SLC44A5: variants seen among roughly 807,000 people sequenced by gnomAD.
SLC44A5 encodes the protein choline transporter-like protein 5.
In SLC44A5, 57 loss-of-function variants were observed where a neutral mutation model predicts 101.8. That is an observed-to-expected ratio of 0.56 (90% confidence interval 0.45 to 0.70). SLC44A5 has a LOEUF of 0.70. Ranked by LOEUF, SLC44A5 falls within the 30% of genes least tolerant of loss-of-function variation. The pLI, the probability that SLC44A5 is intolerant of heterozygous loss-of-function variation, is 0.00. For synonymous variants in SLC44A5, 281 were observed against 290.9 expected (o/e 0.97, Z 0.35); for missense variants, 737 against 853.1 (o/e 0.86, Z 1.70).
intron 10 of SLC44A5, 62 bp from the exon 11 acceptor site, chr1:75,237,132 T>A: frequency 9.8e-7 from 1 of 1,015,566 alleles, no homozygotes; most frequent in Non-Finnish European, 1.5e-6. Flanking sequence ...GAAATGTTCT[T>A]TTTATGATAA....
At chr1:75,408,977 G>A (rs955885373) in intron 2 of SLC44A5, among the ~76,000 whole-genome samples, 6 of 152,022 alleles carry the variant, frequency 3.9e-5, no homozygotes, top group Non-Finnish European at 8.8e-5. Flanking sequence ...AAAATAGGGG[G>A]ATGAAAATAA....
chr1:75,266,756 C>T (rs1183863293), intron 6 of SLC44A5, among the ~76,000 whole-genome samples: 1 of 152,160 alleles, frequency 6.6e-6, no homozygotes, highest in African/African-American at 2.4e-5. Context: ...CCAGACAATG[C>T]TGTAGGTTCT....
Position 75,489,157 on chromosome 1 carries a change from G to A in SLC44A5, c.13+52278C>T, listed in dbSNP as rs117039059. Among the ~76,000 whole-genome samples the A allele has an allele frequency of 1.2e-4, 19 of 152,148 alleles. No individual in the cohort carries two copies. In the East Asian group the frequency reaches 2.7e-3, roughly 22 times the overall value. On this transcript the variant is annotated intron_variant, in intron 2 of 23. Transcript: ENST00000370859. ...AGTCAATTTTAATACTATGATAGCT[G>A]TTCTCCAATCCAAAATAAAAGTACC...
rs574168328 is a variant in SLC44A5 at position 75,303,502 on chromosome 1, G to A, written c.102-2817C>T. 3.3e-5 allele frequency among the ~76,000 whole-genome samples: 5 copies of A among 152,266 alleles called. No individual in the cohort carries two copies. In the South Asian group the frequency reaches 1.0e-3, roughly 32 times the overall value. ...ACCCACCTTGGCCTCCCAAAATGCT[G>A]GGATTACGGGCGTGAGCCACCGCAC... On this transcript the variant is annotated intron_variant, in intron 4 of 23. Transcript: ENST00000370859.
the SLC44A5 span, among the ~76,000 whole-genome samples, chr1:75,677,352 T>C: frequency 2.0e-5 from 3 of 152,210 alleles, no homozygotes; most frequent in East Asian, 5.8e-4. Context: ...GTGTTGAGTT[T>C]TGTTTTCTCT....
intron 1 of SLC44A5, among the ~76,000 whole-genome samples, chr1:75,551,808 G>A (rs1387250394): frequency 6.6e-6 from 1 of 151,962 alleles, no homozygotes; most frequent in Non-Finnish European, 1.5e-5. Context: ...GTATATTAAA[G>A]TGCCTGGCAC....
intron 4 of SLC44A5, among the ~76,000 whole-genome samples, chr1:75,305,347 C>G (rs1463002528): frequency 6.6e-6 from 1 of 152,170 alleles, no homozygotes; most frequent in African/African-American, 2.4e-5. Context: ...GCCGTGGTCT[C>G]TTAATTGGGA....
At chr1:75,219,984 G>T in intron 14 of SLC44A5, 92 bp from the exon 15 acceptor site, 3 of 691,190 alleles carry the variant, frequency 4.3e-6, no homozygotes, top group South Asian at 2.5e-5. Flanking sequence ...AATAACCACG[G>T]ACTCTTTTTT....
At chr1:75,544,296 C>T (rs570930755) in intron 1 of SLC44A5, among the ~76,000 whole-genome samples, 1 of 152,250 alleles carries the variant, frequency 6.6e-6, no homozygotes, top group South Asian at 2.1e-4. Flanking sequence ...CAAATGCAGC[C>T]TCTCGATCTT....
rs1333000802 is a variant in SLC44A5 at position 75,203,771 on chromosome 1, G to T, written c.2110C>A (p.Leu704Met). Residue 704 changes from leucine to methionine, a missense_variant, in exon 24 of 24, where the codon CTG becomes ATG. Physicochemically the swap from Leu to Met is conservative, Grantham distance 15. Coordinates refer to ENST00000370859, the MANE Select transcript of SLC44A5 (RefSeq NM_001130058.2). Reference sequence around the variant, plus strand: ...GGATTTTCCTCCTGGAAAATCTTCAGCAAAGGTTGACTCACATAATAAGGT... The same window carrying T: ...GGATTTTCCTCCTGGAAAATCTTCATCAAAGGTTGACTCACATAATAAGGT... Reference protein sequence around the residue: ...ARPYYVSQPLLKIFQEENPQT... With the variant: ...ARPYYVSQPLMKIFQEENPQT... The T allele has an allele frequency of 1.9e-5, 29 of 1,549,882 alleles. No individual in the cohort carries two copies.
At chr1:75,699,077 C>G in the SLC44A5 span, among the ~76,000 whole-genome samples, 13 of 152,130 alleles carry the variant, frequency 8.5e-5, no homozygotes, top group Non-Finnish European at 1.8e-4. Flanking sequence ...GGAAAACACT[C>G]TGAAGGATAT....
At chr1:75,484,520 G>T (rs1017037001) in intron 2 of SLC44A5, among the ~76,000 whole-genome samples, 1 of 152,226 alleles carries the variant, frequency 6.6e-6, no homozygotes, top group African/African-American at 2.4e-5. Context: ...TACAGTCCCT[G>T]TGGCTGCTTT....
chr1:75,561,817 A>C (rs1672531141), intron 1 of SLC44A5, among the ~76,000 whole-genome samples: 2 of 152,122 alleles, frequency 1.3e-5, no homozygotes, highest in Admixed American at 1.3e-4. Flanking sequence ...TATTATTGTA[A>C]TTTACCATAG....
chr1:75,301,190 T>C (rs1251410367), intron 4 of SLC44A5, among the ~76,000 whole-genome samples: 1 of 152,102 alleles, frequency 6.6e-6, no homozygotes, highest in African/African-American at 2.4e-5. Flanking sequence ...AGGAACAAGG[T>C]ATATAAAGCA....
At chr1:75,541,218 A>G (rs1375333550) in intron 2 of SLC44A5, among the ~76,000 whole-genome samples, 1 of 152,188 alleles carries the variant, frequency 6.6e-6, no homozygotes, top group Non-Finnish European at 1.5e-5. Context: ...TAGGGAGTCC[A>G]GGTATAGAAA....
chr1:75,649,281 G>A, the SLC44A5 span, among the ~76,000 whole-genome samples: 1 of 152,074 alleles, frequency 6.6e-6, no homozygotes, highest in Non-Finnish European at 1.5e-5. Context: ...TAGGTGTACT[G>A]GCTACTTGAA....
chr1:75,718,923 C>A, the SLC44A5 span, among the ~76,000 whole-genome samples: 1 of 152,114 alleles, frequency 6.6e-6, no homozygotes, highest in Non-Finnish European at 1.5e-5. Flanking sequence ...AATTTGAAAA[C>A]TATTTGTGTT....
chr1:75,279,555 G>A (rs1570553190), intron 5 of SLC44A5, among the ~76,000 whole-genome samples: 1 of 152,042 alleles, frequency 6.6e-6, no homozygotes, highest in East Asian at 1.9e-4. Context: ...TTTTTAAGTT[G>A]CCAAGTTTGA....
the SLC44A5 span, among the ~76,000 whole-genome samples, chr1:75,678,792 C>T: frequency 7.2e-5 from 11 of 152,038 alleles, no homozygotes; most frequent in Non-Finnish European, 1.2e-4. Flanking sequence ...GAGAAGAAGG[C>T]TTCAGACGAT....
Sources: gnomAD v4.1 joint callset for allele counts (sites outside exome capture counted in the v4.1 genomes callset) on GRCh38, gnomAD v4.1.1 for gene constraint, MANE v1.5 for transcripts, NCBI Gene and HGNC (gene_info 2026-07-23, HGNC 2026-07-21) for gene names.